The following DAB2 variants were observed in gnomAD, a reference collection of about 807,000 sequenced individuals.
DAB2 encodes the protein disabled homolog 2.
In DAB2, 28 loss-of-function variants were observed where a neutral mutation model predicts 71.6. The ratio of observed to expected loss-of-function variants is 0.39; its 90% CI spans 0.29 to 0.54. DAB2 has a LOEUF of 0.54. Among genes scored for constraint, DAB2 ranks in the 20% least tolerant of loss-of-function variants. DAB2 has a pLI of 0.68. For missense variants in DAB2, 867 were observed against 928.8 expected, an observed-to-expected ratio of 0.93 and a Z score of 0.86; for synonymous variants, 345 against 339.7, an observed-to-expected ratio of 1.02 and a Z score of -0.17.
rs1754747591 is a variant in DAB2, at chr5:39,373,413, G to A, written c.*18C>T. 1 of 152,542 alleles carries A rather than the reference G, an allele frequency of 6.6e-6. No homozygotes were observed. The highest frequency in any genetic ancestry group is 6.6e-5 in the Admixed American group (1 of 15,266). The allele number at this position is 152,542 out of a possible 1,614,324, so 9.4% of individuals were successfully genotyped here. A position where few individuals can be genotyped will look rare whatever the true frequency, so the allele number is the denominator to read the frequency against. On this transcript the variant is annotated 3_prime_UTR_variant, in exon 15 of 15. Transcript: ENST00000320816. The stretch of plus-strand genomic sequence containing the variant: ...ACCTTTTTATTCCTCTGGATGGTCT[G>A]CAGACCAAGTTCCTAGAGAGGTATG...
intron 1 of DAB2, among the ~76,000 whole-genome samples, chr5:39,395,937 C>CTTTTTTTTTTTTTTTTTTT (rs3024228): frequency 1.3e-5 from 1 of 74,858 alleles, no homozygotes; most frequent in Non-Finnish European, 2.3e-5. Context: ...CACAGATATT[C>CTTTTTTTTTTTTTTTTTTT]TTTTTTTTTT....
intron 1 of DAB2, among the ~76,000 whole-genome samples, chr5:39,396,342 G>A (rs1755370476): frequency 6.6e-6 from 1 of 152,174 alleles, no homozygotes; most frequent in South Asian, 2.1e-4. Flanking sequence ...CTGTATTCCA[G>A]CACAGCTTCA....
intron 9 of DAB2, among the ~76,000 whole-genome samples, chr5:39,386,466 A>G (rs775447938): frequency 3.9e-5 from 6 of 152,222 alleles, no homozygotes; most frequent in Non-Finnish European, 5.9e-5. Context: ...GAGTCAATAG[A>G]TAAGAACATG....
At chr5:39,385,161 C>T (rs963713957) in intron 9 of DAB2, 1 of 151,830 alleles carries the variant, frequency 6.6e-6, no homozygotes, top group Non-Finnish European at 1.5e-5. Flanking sequence ...GAATTTGTCA[C>T]AAGAAAGAGC....
chr5:39,377,111 G>A lies in DAB2; in HGVS notation c.1676C>T (p.Ser559Leu). The A allele has an allele frequency of 6.2e-7, 1 of 1,614,182 alleles. No homozygotes were observed. The highest frequency in any genetic ancestry group is 2.2e-5 in the East Asian group (1 of 44,878). The change falls in exon 12 of 15, where the codon TCA becomes TTA. Residue 559 changes from serine (S) to leucine (L), a missense_variant. By Grantham distance (145) the Ser-to-Leu change is moderately radical. This residue lies in a region of DAB2 where 740 missense variants were observed against 734.3 expected (regional missense o/e 1.01). Transcript: ENST00000320816. ...SPAVSGWNQP[S>L]PFAASTPPPV... ...AGGGGGAGTTGAGGCTGCAAAGGGT[G>A]AAGGCTGGTTCCAACCTGAAACAGC...
At chr5:39,379,508 A>G (rs959757624) in intron 11 of DAB2, among the ~76,000 whole-genome samples, 1 of 150,652 alleles carries the variant, frequency 6.6e-6, no homozygotes, top group Non-Finnish European at 1.5e-5. Flanking sequence ...AGGCTTTCCC[A>G]GTATATACTT....
chr5:39,396,190 G>A (rs1204285459), intron 1 of DAB2, among the ~76,000 whole-genome samples: 4 of 152,056 alleles, frequency 2.6e-5, no homozygotes, highest in Admixed American at 1.3e-4. Flanking sequence ...CTTGTGATCC[G>A]CCTGACTCAG....
intron 1 of DAB2, among the ~76,000 whole-genome samples, chr5:39,416,029 A>T (rs1460379054): frequency 6.6e-6 from 1 of 151,044 alleles, no homozygotes; most frequent in Non-Finnish European, 1.5e-5. Context: ...ATTACCCTTT[A>T]TTTTCACACC....
In DAB2 at chr5:39,372,772, T is replaced by C. The variant is rs1754731147; in HGVS notation, c.*659A>G. Reference sequence around the variant, plus strand: ...AATAATGTTCTTCCCTCATTTGCAATAGCTAGCAAGAAATGGGAGAAAAGG... The same window carrying C: ...AATAATGTTCTTCCCTCATTTGCAACAGCTAGCAAGAAATGGGAGAAAAGG... On this transcript the variant is annotated 3_prime_UTR_variant, in exon 15 of 15. Transcript: ENST00000320816. 1 of 151,826 alleles carries C rather than the reference T, an allele frequency of 6.6e-6. No individual in the cohort carries two copies. Among genetic ancestry groups the C allele is most frequent in the Non-Finnish European group, 1.5e-5 (1 of 67,980 alleles). The allele number at this position is 151,826 out of a possible 1,614,324, so 9.4% of individuals were successfully genotyped here.
At chr5:39,391,463 C>T (rs1755226068) in intron 4 of DAB2, among the ~76,000 whole-genome samples, 1 of 152,036 alleles carries the variant, frequency 6.6e-6, no homozygotes, top group Admixed American at 6.6e-5. Context: ...GAGAGTGGTG[C>T]CTGAGGACCC....
In DAB2 at chr5:39,376,746, C is replaced by A. The variant is rs1754839836; in HGVS notation, c.2041G>T (p.Ala681Ser). ...TTGCTGTTGAAATAACTGGCAAAGG[C>A]ACTCAAAGTCCCAGAAGAAGTCTGC... ...GEQTSSGTLS[A>S]FASYFNSKVG... is the part of the protein sequence containing the mutation. The change falls in exon 12 of 15, where the codon GCC becomes TCC. Residue 681 changes from alanine to serine, a missense_variant. Transcript: ENST00000320816. 6.2e-7 allele frequency: 1 copy of A among 1,614,008 alleles called. No individual in the cohort carries two copies. The highest frequency in any genetic ancestry group is 1.1e-5 in the South Asian group (1 of 91,088).
At chr5:39,380,188 T>C (rs1026276862) in intron 11 of DAB2, among the ~76,000 whole-genome samples, 2 of 152,182 alleles carry the variant, frequency 1.3e-5, no homozygotes, top group Non-Finnish European at 2.9e-5. Flanking sequence ...ATGAAGTCTT[T>C]AGAGAGAGCC....
intron 1 of DAB2, among the ~76,000 whole-genome samples, chr5:39,395,202 A>C (rs1378327707): frequency 2.1e-5 from 3 of 143,798 alleles, no homozygotes. Context: ...ACTTTCCAAA[A>C]GGTTCTCTCA....
At chr5:39,386,674 T>C (rs1755105637) in intron 9 of DAB2, among the ~76,000 whole-genome samples, 1 of 152,230 alleles carries the variant, frequency 6.6e-6, no homozygotes, top group Non-Finnish European at 1.5e-5. Flanking sequence ...TTTCCTTTTT[T>C]AGAACATTCT....
intron 4 of DAB2, among the ~76,000 whole-genome samples, chr5:39,391,086 T>C (rs1755216604): frequency 1.3e-5 from 2 of 152,176 alleles, no homozygotes; most frequent in East Asian, 3.9e-4. Context: ...TGTCATCAAG[T>C]GTTTCTCAGC....
At chr5:39,406,831 A>G (rs1336125072) in intron 1 of DAB2, among the ~76,000 whole-genome samples, 5 of 152,156 alleles carry the variant, frequency 3.3e-5, no homozygotes, top group Non-Finnish European at 5.9e-5. Context: ...TTACATGAAA[A>G]ATATTAGAGT....
rs114907931 is a variant in DAB2, at chr5:39,410,406, T to C, written c.-102+14398A>G. Among the ~76,000 whole-genome samples the C allele has an allele frequency of 4.7e-3, 721 of 152,290 alleles. 6 individuals are homozygous for C. The highest frequency in any genetic ancestry group is 0.017 in the African/African-American group (695 of 41,564). On this transcript the variant is annotated intron_variant, in intron 1 of 14. Coordinates refer to ENST00000320816, the MANE Select transcript of DAB2 (RefSeq NM_001343.4). ...TGAAGTAATTAGTATCTTAACTTTA[T>C]ATTAATATGAAGTAATAGCCCATGC...
intron 3 of DAB2, among the ~76,000 whole-genome samples, chr5:39,392,768 G>A (rs948333480): frequency 6.6e-6 from 1 of 152,152 alleles, no homozygotes; most frequent in Non-Finnish European, 1.5e-5. Flanking sequence ...TATTGAACAA[G>A]TATTATTTAT....
At chr5:39,398,550 T>C (rs900350465) in intron 1 of DAB2, among the ~76,000 whole-genome samples, 2 of 152,300 alleles carry the variant, frequency 1.3e-5, no homozygotes, top group East Asian at 3.9e-4. Flanking sequence ...AAAATGGATG[T>C]GTATGTTGAG....
Sources: allele counts gnomAD v4.1 joint callset (sites outside exome capture counted in the v4.1 genomes callset), GRCh38; gene constraint gnomAD v4.1.1; regional missense constraint gnomAD v4.1.1; transcripts MANE v1.5; gene names NCBI Gene and HGNC (gene_info 2026-07-23, HGNC 2026-07-21).